Variants in ANKFN1 observed in about 807,000 individuals in gnomAD.
ANKFN1 encodes ankyrin repeat and fibronectin type III domain containing 1.
A neutral mutation model predicts 108.7 loss-of-function variants in ANKFN1; 74 were observed. The observed-to-expected ratio is 0.68, with a 90% CI of 0.56 to 0.83. The LOEUF is 0.83. ANKFN1 is among the 40% of genes least tolerant of loss of function. The pLI is 0.00. For synonymous variants in ANKFN1, 547 were observed against 516.2 expected (o/e 1.06, Z -0.81); for missense variants, 1,505 against 1,382.3 (o/e 1.09, Z -1.41).
At chr17:56,079,661 C>CA (rs11398168) in intron 4 of ANKFN1, among the ~76,000 whole-genome samples, 3,708 of 152,078 alleles carry the variant, frequency 0.024, 138 homozygotes, top group African/African-American at 0.085. Flanking sequence ...AGAGAAATGA[C>CA]AAAAAAAGAA....
chr17:56,117,999 G>A (rs1308882209), intron 4 of ANKFN1, among the ~76,000 whole-genome samples: 2 of 152,014 alleles, frequency 1.3e-5, no homozygotes, highest in Non-Finnish European at 2.9e-5. Flanking sequence ...TGTCTTTTGT[G>A]ACTAGATTCT....
At chr17:56,399,434 T>C (rs1363696069) in intron 8 of ANKFN1, among the ~76,000 whole-genome samples, 2 of 152,102 alleles carry the variant, frequency 1.3e-5, no homozygotes, top group Non-Finnish European at 2.9e-5. Flanking sequence ...GGCTCATTTT[T>C]TTTTTTAATC....
At chr17:56,168,009 G>T (rs1221421384) in intron 1 of ANKFN1, among the ~76,000 whole-genome samples, 1 of 152,112 alleles carries the variant, frequency 6.6e-6, no homozygotes, top group Admixed American at 6.5e-5. Context: ...GCTCACACCT[G>T]TAATGCCAGC....
chr17:56,068,839 T>C (rs766323276), intron 4 of ANKFN1, among the ~76,000 whole-genome samples: 72 of 152,168 alleles, frequency 4.7e-4, no homozygotes, highest in Non-Finnish European at 9.6e-4. Context: ...TGGTAGAGAG[T>C]AGGTGTTAAA....
chr17:56,383,513 A>T (rs2047167818), intron 8 of ANKFN1, among the ~76,000 whole-genome samples: 1 of 152,152 alleles, frequency 6.6e-6, no homozygotes, highest in South Asian at 2.1e-4. Context: ...GACACAAAAA[A>T]CCCTTCAAAA....
chr17:56,490,034 G>T (rs2050984242), intron 18 of ANKFN1, among the ~76,000 whole-genome samples: 1 of 152,168 alleles, frequency 6.6e-6, no homozygotes. Context: ...TGCCTCTTCA[G>T]ATCCATTCAT....
chr17:56,291,943 T>G (rs2044374746), intron 3 of ANKFN1, among the ~76,000 whole-genome samples: 1 of 152,228 alleles, frequency 6.6e-6, no homozygotes, highest in South Asian at 2.1e-4. Context: ...CTACATGTAA[T>G]TCTCCTAAAG....
chr17:56,204,013 TG>T (rs1914288641), intron 1 of ANKFN1, among the ~76,000 whole-genome samples: 1 of 13,674 alleles, frequency 7.3e-5, no homozygotes, highest in African/African-American at 6.1e-4. Flanking sequence ...AATCAGGCAC[TG>T]TTTGTTTGTT....
chr17:56,318,549 A>G (rs1053320662), intron 3 of ANKFN1, among the ~76,000 whole-genome samples: 6 of 152,174 alleles, frequency 3.9e-5, no homozygotes, highest in African/African-American at 1.4e-4. Context: ...CCAGTAAGGG[A>G]ATTACATAGA....
intron 4 of ANKFN1, among the ~76,000 whole-genome samples, chr17:56,336,956 C>T (rs2144598332): frequency 6.6e-6 from 1 of 152,274 alleles, no homozygotes; most frequent in South Asian, 2.1e-4. Context: ...ATCTTTATTT[C>T]TGCCTTCCTT....
intron 4 of ANKFN1, among the ~76,000 whole-genome samples, chr17:56,075,904 C>T (rs1206696752): frequency 2.0e-5 from 3 of 152,148 alleles, no homozygotes; most frequent in Non-Finnish European, 4.4e-5. Context: ...TCCCCTTGTA[C>T]AATTTCTGAA....
chr17:56,266,168 A>G (rs16956968), intron 3 of ANKFN1, among the ~76,000 whole-genome samples: 3,100 of 152,302 alleles, frequency 0.02, 103 homozygotes, highest in African/African-American at 0.07. Context: ...TGGAAATACA[A>G]TCATTTGAAC....
intron 4 of ANKFN1, among the ~76,000 whole-genome samples, chr17:56,107,594 C>A (rs1440405061): frequency 6.6e-6 from 1 of 152,112 alleles, no homozygotes; most frequent in Non-Finnish European, 1.5e-5. Flanking sequence ...TCCCAAAGAG[C>A]CCGCTAGTGT....
chr17:56,099,653 C>T (rs998603459), intron 4 of ANKFN1, among the ~76,000 whole-genome samples: 9 of 152,120 alleles, frequency 5.9e-5, no homozygotes, highest in East Asian at 1.9e-4. Flanking sequence ...CCTTAAAGAA[C>T]GAGTAGAAAT....
intron 3 of ANKFN1, among the ~76,000 whole-genome samples, chr17:56,298,514 C>T (rs955073228): frequency 1.3e-5 from 2 of 152,134 alleles, no homozygotes; most frequent in African/African-American, 4.8e-5. Flanking sequence ...CCTGTATTTT[C>T]CTTGATGAAT....
At chr17:56,195,127 G>C (rs1003394129) in intron 1 of ANKFN1, among the ~76,000 whole-genome samples, 1 of 152,170 alleles carries the variant, frequency 6.6e-6, no homozygotes, top group African/African-American at 2.4e-5. Context: ...TTCACCCTAA[G>C]AGCATTAATA....
At chr17:56,368,166 G>T in intron 6 of ANKFN1, 1 of 1,334,674 alleles carries the variant, frequency 7.5e-7, no homozygotes, top group South Asian at 1.6e-5. Flanking sequence ...CTGATCCAGA[G>T]AATGAACCTT....
chr17:56,423,507 A>G (rs2048472009), intron 8 of ANKFN1, among the ~76,000 whole-genome samples: 1 of 152,310 alleles, frequency 6.6e-6, no homozygotes, highest in South Asian at 2.1e-4. Flanking sequence ...AACCTTCAGC[A>G]TTGCGTACAA....
chr17:56,212,409 A>T (rs1915084346), intron 1 of ANKFN1, among the ~76,000 whole-genome samples, 189 bp from the exon 2 acceptor site: 1 of 152,104 alleles, frequency 6.6e-6, no homozygotes, highest in Non-Finnish European at 1.5e-5. Context: ...ATGGTGGATT[A>T]TCATTTTGAT....
Sources: gnomAD v4.1 joint callset for allele counts (sites outside exome capture counted in the v4.1 genomes callset) on GRCh38, gnomAD v4.1.1 for gene constraint, MANE v1.5 for transcripts, NCBI Gene and HGNC (gene_info 2026-07-23, HGNC 2026-07-21) for gene names.